The following PHLPP1 variants were observed in gnomAD, a reference collection of about 807,000 sequenced individuals.
PHLPP1 encodes the protein PH domain and leucine rich repeat protein phosphatase 1.
A neutral mutation model predicts 117.2 loss-of-function variants in PHLPP1; 42 were observed. The observed-to-expected ratio is 0.36, with a 90% CI of 0.28 to 0.46. PHLPP1 has a LOEUF of 0.46. Ranked by LOEUF, PHLPP1 falls within the 20% of genes least tolerant of loss-of-function variation. The pLI is 1.00. For synonymous variants in PHLPP1, 1,042 were observed against 970.7 expected, an observed-to-expected ratio of 1.07 and a Z score of -1.37; for missense variants, 2,084 against 2,241.9, an observed-to-expected ratio of 0.93 and a Z score of 1.42.
chr18:62,864,161 A>G lies in PHLPP1; in HGVS notation c.2066+3560A>G, dbSNP rs190257897. On this transcript the variant is annotated intron_variant, in intron 4 of 16. Coordinates refer to ENST00000262719, the MANE Select transcript of PHLPP1 (RefSeq NM_194449.4). ...CTCAGCCTCCCGAGTAGCTGGGACT[A>G]TAGGCGCCCGCCACCACTCCCAGCT... Among the ~76,000 whole-genome samples, 49 of 152,124 alleles carry G rather than the reference A, an allele frequency of 3.2e-4. No individual in the cohort carries two copies. The East Asian group carries it at 8.7e-3, about 27-fold the overall frequency.
At chr18:62,850,137 CCCAGCA>C (rs1355072488) in intron 3 of PHLPP1, among the ~76,000 whole-genome samples, 1 of 149,604 alleles carries the variant, frequency 6.7e-6, no homozygotes, top group Non-Finnish European at 1.5e-5. Context: ...CGCCTGTAAT[CCCAGCA>C]CTTTGGGAGG....
intron 1 of PHLPP1, among the ~76,000 whole-genome samples, chr18:62,769,873 C>T (rs141592029): frequency 4.6e-4 from 70 of 152,242 alleles, no homozygotes; most frequent in Non-Finnish European, 8.7e-4. Context: ...ATAAGTTCTA[C>T]CTTATCATTA....
chr18:62,978,413 G>C lies in PHLPP1; in HGVS notation c.4136G>C (p.Ser1379Thr), dbSNP rs951594515. The change falls in exon 17 of 17, where the codon AGC (serine) becomes ACC (threonine). Residue 1379 changes from serine (S) to threonine (T), a missense_variant. By Grantham distance (58) the Ser-to-Thr change is moderately conservative. This residue lies in a region of PHLPP1 where 1,365 missense variants were observed against 1,605.9 expected (regional missense o/e 0.85). Coordinates refer to ENST00000262719, the MANE Select transcript of PHLPP1 (RefSeq NM_194449.4). This position sits in a 1 kb window ranked among gnomAD's most constrained non-coding sequence, Gnocchi z 7.0. ...FILGSKGLWD[S>T]LSVEEAVEAV... ...CTAGGCAGTAAGGGGTTGTGGGACA[G>C]CCTGTCCGTCGAGGAGGCCGTGGAA... is the stretch of plus-strand genomic sequence containing the variant. The C allele has an allele frequency of 6.2e-7, 1 of 1,612,390 alleles. No individual in the cohort carries two copies. The highest frequency in any genetic ancestry group is 8.5e-7 in the Non-Finnish European group (1 of 1,179,270).
intron 1 of PHLPP1, among the ~76,000 whole-genome samples, chr18:62,730,888 G>A (rs576975572): frequency 1.3e-5 from 2 of 151,726 alleles, no homozygotes; most frequent in African/African-American, 4.8e-5. Flanking sequence ...TTATACAAAT[G>A]TCATGTGGTT....
At chr18:62,932,074 A>G (rs963511103) in intron 10 of PHLPP1, among the ~76,000 whole-genome samples, 2 of 152,130 alleles carry the variant, frequency 1.3e-5, no homozygotes, top group African/African-American at 4.8e-5. Context: ...AACCAGGAAG[A>G]AATCAAAATC....
At chr18:62,737,421 T>A (rs1911400706) in intron 1 of PHLPP1, among the ~76,000 whole-genome samples, 1 of 152,170 alleles carries the variant, frequency 6.6e-6, no homozygotes, top group African/African-American at 2.4e-5. Context: ...AGATTTGTAG[T>A]CTTTGGCATT....
intron 4 of PHLPP1, among the ~76,000 whole-genome samples, chr18:62,861,941 A>G (rs1915641860): frequency 6.6e-6 from 1 of 152,190 alleles, no homozygotes; most frequent in Non-Finnish European, 1.5e-5. Context: ...TTGACTCTTT[A>G]CCCATGCATC....
At chr18:62,859,996 C>CA (rs1915593208) in intron 3 of PHLPP1, among the ~76,000 whole-genome samples, 1 of 152,190 alleles carries the variant, frequency 6.6e-6, no homozygotes, top group Non-Finnish European at 1.5e-5. Context: ...CTTCATGGTG[C>CA]AAACATCAGT....
intron 12 of PHLPP1, among the ~76,000 whole-genome samples, chr18:62,950,328 A>G (rs143457804): frequency 6.6e-6 from 1 of 152,332 alleles, no homozygotes; most frequent in Non-Finnish European, 1.5e-5. Flanking sequence ...TTAATATGCT[A>G]TACTCTTGAG....
intron 13 of PHLPP1, among the ~76,000 whole-genome samples, chr18:62,962,432 C>T (rs1044001226): frequency 4.6e-5 from 7 of 152,114 alleles, no homozygotes; most frequent in Non-Finnish European, 4.4e-5. Context: ...CTCAGCCTCC[C>T]GAGTAGCTGG....
intron 1 of PHLPP1, among the ~76,000 whole-genome samples, chr18:62,817,989 G>A (rs756982242): frequency 3.3e-5 from 5 of 151,454 alleles, no homozygotes; most frequent in African/African-American, 4.9e-5. Flanking sequence ...CGAGTAGCTG[G>A]GACTACAGGT....
chr18:62,790,280 A>G (rs1913419322), intron 1 of PHLPP1, among the ~76,000 whole-genome samples: 1 of 152,194 alleles, frequency 6.6e-6, no homozygotes, highest in Non-Finnish European at 1.5e-5. Flanking sequence ...TTTCAATAAA[A>G]CACGTGGGAG....
chr18:62,838,473 G>A (rs1245628519), intron 2 of PHLPP1: 1 of 208,418 alleles, frequency 4.8e-6, no homozygotes. Context: ...ATTCTAAGAG[G>A]AAGTAAGAAC....
intron 4 of PHLPP1, among the ~76,000 whole-genome samples, chr18:62,875,884 C>A (rs1916037765): frequency 6.6e-6 from 1 of 152,024 alleles, no homozygotes; most frequent in Non-Finnish European, 1.5e-5. Flanking sequence ...AGGTGCCCGC[C>A]ACCACATCCG....
chr18:62,716,932 C>T lies in PHLPP1; in HGVS notation c.1249C>T (p.Gln417Ter). ...GACGGCTTCCTCGCCTCAGCCGCAG[C>T]AGAAAGCCCCGAGGGCCATTGACAG... is the stretch of plus-strand genomic sequence containing the variant. The part of the protein sequence containing the change: ...PQTASSPQPQ[Q>*]KAPRAIDSPG... The change falls in exon 1 of 17, where the codon CAG becomes TAG. Residue 417 changes from glutamine (Q) to a stop codon, truncating the protein, a stop_gained. Transcript: ENST00000262719. LOFTEE classifies it high-confidence loss of function. This position sits in a 1 kb window ranked among gnomAD's most constrained non-coding sequence, Gnocchi z 5.7. The T allele has an allele frequency of 1.3e-6, 2 of 1,534,866 alleles. No individual in the cohort carries two copies. The highest frequency in any genetic ancestry group is 2.5e-5 in the East Asian group (1 of 40,548).
At chr18:62,888,287 A>ATG (rs200659921) in intron 4 of PHLPP1, among the ~76,000 whole-genome samples, 18,224 of 130,744 alleles carry the variant, frequency 0.14, 1,250 homozygotes, top group Non-Finnish European at 0.18. Flanking sequence ...ATTTCACAAA[A>ATG]TGTGTGTGTG....
intron 14 of PHLPP1, among the ~76,000 whole-genome samples, chr18:62,968,167 T>TAA (rs1261473898): frequency 6.6e-6 from 1 of 152,194 alleles, no homozygotes; most frequent in Non-Finnish European, 1.5e-5. Flanking sequence ...GATTTGCTGT[T>TAA]AATTTGTTGA....
chr18:62,752,399 T>G (rs985459427), intron 1 of PHLPP1, among the ~76,000 whole-genome samples: 5 of 152,270 alleles, frequency 3.3e-5, no homozygotes, highest in African/African-American at 1.2e-4. Flanking sequence ...TTTTCTCTTC[T>G]GCATGGTCTT....
At chr18:62,823,633 G>GAT (rs1373883289) in intron 1 of PHLPP1, among the ~76,000 whole-genome samples, 138 of 119,098 alleles carry the variant, frequency 1.2e-3, no homozygotes, top group African/African-American at 5.6e-3. Flanking sequence ...TATATATGTA[G>GAT]ATATATATAG....
Sources: allele counts gnomAD v4.1 joint callset (sites outside exome capture counted in the v4.1 genomes callset), GRCh38; gene constraint gnomAD v4.1.1; regional missense constraint gnomAD v4.1.1; non-coding constraint Gnocchi (gnomAD v3.1); transcripts MANE v1.5; gene names NCBI Gene and HGNC (gene_info 2026-07-23, HGNC 2026-07-21).